The following CRHR1 variants were observed in gnomAD, a reference collection of about 807,000 sequenced individuals.
CRHR1 encodes corticotropin releasing hormone receptor 1, also known as corticotropin-releasing hormone receptor 1.
In CRHR1, 28 loss-of-function variants were observed where a neutral mutation model predicts 56.0. That is an observed-to-expected ratio of 0.50 (90% CI 0.37 to 0.69). The LOEUF is 0.69. Ranked by LOEUF, CRHR1 falls within the 30% of genes least tolerant of loss-of-function variation. The pLI, the probability that CRHR1 is intolerant of heterozygous loss-of-function variation, is 0.00. For synonymous variants in CRHR1, 195 were observed against 216.5 expected (o/e 0.90, Z 0.87); for missense variants, 376 against 548.0 (o/e 0.69, Z 3.13).
At chr17:45,815,066 C>T (rs1392871200) in intron 2 of CRHR1, among the ~76,000 whole-genome samples, 1 of 152,242 alleles carries the variant, frequency 6.6e-6, no homozygotes, top group Non-Finnish European at 1.5e-5. Flanking sequence ...TGGGGACAAG[C>T]TAATTTGGGG....
At chr17:45,829,972 G>T in intron 5 of CRHR1, 122 bp from the exon 6 acceptor site, 4 of 1,486,428 alleles carry the variant, frequency 2.7e-6, no homozygotes, top group Non-Finnish European at 3.7e-6. Context: ...GACTTGGCCA[G>T]TCAGCCCCAC....
chr17:45,829,569 G>A (rs1320130106), intron 5 of CRHR1: 1 of 1,550,090 alleles, frequency 6.5e-7, no homozygotes, highest in African/African-American at 1.4e-5. Context: ...AGGCCAGGCT[G>A]CACCCATTGG....
At chr17:45,806,485 T>TA (rs2061721571) in intron 1 of CRHR1, among the ~76,000 whole-genome samples, 1 of 152,132 alleles carries the variant, frequency 6.6e-6, no homozygotes. Context: ...GACGGATAAT[T>TA]AGGCAGGCGG....
chr17:45,809,736 G>T (rs912788518), intron 2 of CRHR1, among the ~76,000 whole-genome samples: 1 of 152,252 alleles, frequency 6.6e-6, no homozygotes, highest in African/African-American at 2.4e-5. Context: ...GGCTGGCACC[G>T]AGCCAGGGCC....
chr17:45,833,897 G>T (rs1475250051), intron 11 of CRHR1, 48 bp downstream of exon 11: 2 of 1,612,220 alleles, frequency 1.2e-6, no homozygotes, highest in African/African-American at 2.7e-5. Context: ...TGGGGATTCT[G>T]CCAAGCAGAG....
intron 1 of CRHR1, among the ~76,000 whole-genome samples, chr17:45,786,636 C>CTTT (rs34895436): frequency 1.7e-4 from 18 of 108,396 alleles, no homozygotes; most frequent in East Asian, 5.8e-4. Flanking sequence ...AGAAAATATC[C>CTTT]TTTTTTTTTT....
At position 45,830,960 on chromosome 17, in the gene CRHR1, T is replaced by C. The variant is rs1474508930; in HGVS notation, c.770+20T>C. 1 of 1,613,034 alleles carries C rather than the reference T, an allele frequency of 6.2e-7. No homozygotes were observed. Among genetic ancestry groups the C allele is most frequent in the Non-Finnish European group, 8.5e-7 (1 of 1,179,278 alleles). On this transcript the variant is annotated intron_variant, in intron 8 of 12. Transcript: ENST00000314537. ...TGAGAAGTAAGTCATCTCCTTTCCC[T>C]TCCTGACCCCAAGGTTTAGGCTCCC...
chr17:45,833,693 T>TGGGGGGGGGGGGGCCCCC, intron 10 of CRHR1, 21 bp from the exon 11 acceptor site: 2 of 1,571,612 alleles, frequency 1.3e-6, no homozygotes, highest in Non-Finnish European at 1.7e-6. Context: ...ACTCCGAGCC[T>TGGGGGGGGGGGGGCCCCC]CCCCACCCGC....
intron 1 of CRHR1, among the ~76,000 whole-genome samples, chr17:45,786,360 G>A (rs913930871): frequency 6.6e-6 from 1 of 152,050 alleles, no homozygotes; most frequent in African/African-American, 2.4e-5. Context: ...AATGGCCAGC[G>A]AATGCTGGTT....
rs1353481634 is a variant in CRHR1, at chr17:45,816,494, T to C, written c.153T>C (p.Ile51=). ...AGTGCAACGCATCCGTGGACCTCAT[T>C]GGCACCTGCTGGCCCCGCAGCCCTG... ...GLQCNASVDL[I]GTCWPRSPAG... Residue 51 remains isoleucine (I), a synonymous_variant, in exon 3 of 13, where the codon ATT becomes ATC. Transcript: ENST00000314537. 2 of 1,614,090 alleles carry C rather than the reference T, an allele frequency of 1.2e-6. No homozygotes were observed. Among genetic ancestry groups the C allele is most frequent in the Admixed American group, 1.7e-5 (1 of 60,020 alleles).
intron 1 of CRHR1, among the ~76,000 whole-genome samples, chr17:45,785,901 C>G (rs1010037973): frequency 2.6e-5 from 4 of 152,142 alleles, no homozygotes; most frequent in African/African-American, 9.7e-5. Flanking sequence ...CATCCGTTAC[C>G]TGAGGGCTAG....
Position 45,835,111 on chromosome 17 carries a change from C to T in CRHR1, c.*347C>T. ...TGTCTTCTCCCAGAGCACAAGAAGG[C>T]CAGCCCACTGGGCCCTGGGGCTGCC... On this transcript the variant is annotated 3_prime_UTR_variant, in exon 13 of 13. Transcript: ENST00000314537. 3.5e-6 allele frequency: 1 copy of T among 288,592 alleles called. No homozygotes were observed. 17.9% of individuals were successfully genotyped at this position (288,592 alleles called of 1,614,324 possible).
At chr17:45,792,089 G>A (rs1304922427) in intron 1 of CRHR1, among the ~76,000 whole-genome samples, 1 of 152,110 alleles carries the variant, frequency 6.6e-6, no homozygotes, top group African/African-American at 2.4e-5. Flanking sequence ...GGGCTTAGCT[G>A]GGTGAGTGAC....
intron 10 of CRHR1, 58 bp downstream of exon 10, chr17:45,833,595 C>T: frequency 1.3e-6 from 2 of 1,594,180 alleles, no homozygotes; most frequent in East Asian, 2.2e-5. Context: ...CTCCCCATGC[C>T]TCTCACGTGC....
At chr17:45,834,172 A>T in intron 12 of CRHR1, 124 bp downstream of exon 12, 1 of 1,219,534 alleles carries the variant, frequency 8.2e-7, no homozygotes. Context: ...CTAGGTCCCT[A>T]GGGGTATGCT....
chr17:45,833,693 T>TCGGGCC, intron 10 of CRHR1, 21 bp from the exon 11 acceptor site: 1 of 1,571,616 alleles, frequency 6.4e-7, no homozygotes, highest in Non-Finnish European at 8.7e-7. Context: ...ACTCCGAGCC[T>TCGGGCC]CCCCACCCGC....
intron 3 of CRHR1, among the ~76,000 whole-genome samples, chr17:45,821,002 A>G (rs242937): frequency 0.56 from 84,886 of 151,716 alleles, 24,613 homozygotes; most frequent in East Asian, 0.87. Context: ...TGAAAAGGAG[A>G]TTTCTCAGAA....
rs184073022 is a variant in CRHR1 at position 45,835,252 on chromosome 17, G to C, written c.*488G>C. On this transcript the variant is annotated 3_prime_UTR_variant, in exon 13 of 13. Coordinates refer to ENST00000314537, the MANE Select transcript of CRHR1 (RefSeq NM_004382.5). ...CTCGGTGATGCCTTCCGACACCACT[G>C]GGAACCAAGGGCCCTCACTCAGGAA... 3.2e-3 allele frequency: 513 copies of C among 159,218 alleles called. 2 individuals are homozygous for C. Among genetic ancestry groups the C allele is most frequent in the African/African-American group, 0.012 (481 of 41,818 alleles). The allele number at this position is 159,218 out of a possible 1,614,324, so 9.9% of individuals were successfully genotyped here.
intron 3 of CRHR1, among the ~76,000 whole-genome samples, chr17:45,818,100 G>C (rs1020163585): frequency 6.6e-6 from 1 of 152,194 alleles, no homozygotes; most frequent in Non-Finnish European, 1.5e-5. Context: ...ACCAGTTCCT[G>C]TCATGTCCAC....
Sources: gnomAD v4.1 joint callset for allele counts (sites outside exome capture counted in the v4.1 genomes callset) on GRCh38, gnomAD v4.1.1 for gene constraint, MANE v1.5 for transcripts, NCBI Gene and HGNC (gene_info 2026-07-23, HGNC 2026-07-21) for gene names.